Variants in LRFN5 observed in about 807,000 individuals in gnomAD.
The protein encoded by LRFN5 is leucine rich repeat and fibronectin type III domain containing 5, also known as leucine-rich repeat and fibronectin type-III domain-containing protein 5.
LRFN5 carries 24 observed loss-of-function variants against 45.6 expected under a neutral mutation model. The ratio of observed to expected loss-of-function variants is 0.53; its 90% CI spans 0.38 to 0.74. The LOEUF (loss-of-function observed/expected upper bound fraction) is 0.74, where lower values mean the gene tolerates loss of function less well. Among genes scored for constraint, LRFN5 ranks in the 30% least tolerant of loss-of-function variants. The pLI, the probability that LRFN5 is intolerant of heterozygous loss-of-function variation, is 0.00. For synonymous variants in LRFN5, 340 were observed against 313.8 expected (o/e 1.08, Z -0.88); for missense variants, 776 against 861.5 (o/e 0.90, Z 1.24).
At chr14:41,719,180 A>G (rs1256308279) in intron 1 of LRFN5, among the ~76,000 whole-genome samples, 1 of 152,150 alleles carries the variant, frequency 6.6e-6, no homozygotes, top group Non-Finnish European at 1.5e-5. Flanking sequence ...GAATGTGTTC[A>G]TTATTTTACT....
intron 1 of LRFN5, among the ~76,000 whole-genome samples, chr14:41,744,092 G>T (rs1385479363): frequency 6.6e-6 from 1 of 152,136 alleles, no homozygotes; most frequent in Admixed American, 6.5e-5. Flanking sequence ...AGTACCTCAT[G>T]CCTATAATCC....
chr14:41,677,143 G>GA (rs34515859), intron 1 of LRFN5, among the ~76,000 whole-genome samples: 2 of 151,730 alleles, frequency 1.3e-5, no homozygotes, highest in East Asian at 1.9e-4. Context: ...AAAACAAGGG[G>GA]AAAAAAAATC....
intron 1 of LRFN5, among the ~76,000 whole-genome samples, chr14:41,615,980 T>C (rs901522017): frequency 6.6e-6 from 1 of 152,104 alleles, no homozygotes; most frequent in African/African-American, 2.4e-5. Context: ...CTCTTCAAGA[T>C]GCAACAACTG....
intron 1 of LRFN5, among the ~76,000 whole-genome samples, chr14:41,664,702 CA>C (rs1427243045): frequency 6.6e-6 from 1 of 151,752 alleles, no homozygotes; most frequent in African/African-American, 2.4e-5. Flanking sequence ...CTCTCTAATC[CA>C]ATGACATAAA....
intron 5 of LRFN5, 106 bp downstream of exon 5, chr14:41,899,066 A>G: frequency 1.1e-6 from 1 of 892,994 alleles, no homozygotes; most frequent in East Asian, 2.9e-5. Context: ...GCTTGTTGAA[A>G]TTTTCTTTTA....
chr14:41,787,787 G>A (rs537798617), intron 2 of LRFN5, among the ~76,000 whole-genome samples: 16 of 150,732 alleles, frequency 1.1e-4, no homozygotes, highest in Non-Finnish European at 2.4e-4. Flanking sequence ...TTATTTTTAT[G>A]ATGCCGCAGT....
chr14:41,716,143 C>G (rs1227779426), intron 1 of LRFN5, among the ~76,000 whole-genome samples: 1 of 152,140 alleles, frequency 6.6e-6, no homozygotes, highest in East Asian at 1.9e-4. Flanking sequence ...AGCACGGGGA[C>G]CCTGGGACTG....
intron 2 of LRFN5, among the ~76,000 whole-genome samples, chr14:41,789,522 C>G (rs1200375854): frequency 1.3e-5 from 2 of 151,800 alleles, no homozygotes; most frequent in Admixed American, 6.6e-5. Context: ...GCACACATGC[C>G]CTTTGGAGTA....
Position 41,887,568 on chromosome 14 carries a change from G to A in LRFN5, c.943G>A (p.Glu315Lys), listed in dbSNP as rs1405006301. ...GAGGTGCAAAGCCAGGGGAGACCCT[G>A]AGCCTGCAATTCACTGGATTTCTCC... ...TLRCKARGDP[E>K]PAIHWISPEG... is the part of the protein sequence containing the mutation. The change falls in exon 3 of 6, where the codon GAG (glutamate) becomes AAG (lysine). Residue 315 changes from glutamate to lysine, a missense_variant. By Grantham distance (56) the Glu-to-Lys change is moderately conservative (BLOSUM62 1). Around this residue, in one of 2 missense-constraint regions of LRFN5, gnomAD observed 311 missense variants for 405.1 expected, o/e 0.77. Transcript: ENST00000298119. This position sits in a 1 kb window ranked among gnomAD's most constrained non-coding sequence, Gnocchi z 4.8. 5 of 1,614,088 alleles carry A rather than the reference G, an allele frequency of 3.1e-6. No homozygotes were observed. Among genetic ancestry groups the A allele is most frequent in the South Asian group, 1.1e-5 (1 of 91,090 alleles).
chr14:41,817,338 C>T (rs1887956494), intron 2 of LRFN5, among the ~76,000 whole-genome samples: 1 of 151,706 alleles, frequency 6.6e-6, no homozygotes, highest in Non-Finnish European at 1.5e-5. Context: ...TAGCTTTGTA[C>T]TTTGTACTTG....
intron 2 of LRFN5, among the ~76,000 whole-genome samples, chr14:41,792,712 T>C (rs1886970950): frequency 6.6e-6 from 1 of 152,020 alleles, no homozygotes; most frequent in African/African-American, 2.4e-5. Context: ...TAAAAATCAC[T>C]ATTATTCTGT....
At chr14:41,736,597 A>T (rs1411891650) in intron 1 of LRFN5, among the ~76,000 whole-genome samples, 1 of 152,068 alleles carries the variant, frequency 6.6e-6, no homozygotes, top group Middle Eastern at 3.2e-3. Context: ...CTCTTTATAG[A>T]CCGCTAGCCA....
At chr14:41,836,231 T>A (rs1169532857) in intron 2 of LRFN5, among the ~76,000 whole-genome samples, 1 of 152,196 alleles carries the variant, frequency 6.6e-6, no homozygotes, top group African/African-American at 2.4e-5. Context: ...TCTGAGAACA[T>A]GAATATCTCT....
rs138890062 is a variant in LRFN5 at position 41,774,236 on chromosome 14, G to T, written c.-21+7207G>T. Among the ~76,000 whole-genome samples the T allele has an allele frequency of 8.1e-4, 124 of 152,292 alleles. No homozygotes were observed. In the East Asian group the frequency reaches 0.016, roughly 19 times the overall value. On this transcript the variant is annotated intron_variant, in intron 2 of 5. Coordinates refer to ENST00000298119, the MANE Select transcript of LRFN5 (RefSeq NM_152447.5). The stretch of plus-strand genomic sequence containing the variant: ...CCAATTTGTACTGACTCAATGTAAG[G>T]TTATTAACTCAGTTATTGTAATGAG...
intron 2 of LRFN5, among the ~76,000 whole-genome samples, chr14:41,786,166 A>C (rs1486401369): frequency 6.6e-6 from 1 of 152,116 alleles, no homozygotes; most frequent in Non-Finnish European, 1.5e-5. Context: ...TTTTTATTTT[A>C]AACAGGCAAT....
At chr14:41,893,329 A>G (rs1890843565) in intron 4 of LRFN5, 7 of 959,416 alleles carry the variant, frequency 7.3e-6, no homozygotes, top group Non-Finnish European at 8.7e-6. Context: ...AAACTTAATT[A>G]TATAATAATT....
intron 1 of LRFN5, among the ~76,000 whole-genome samples, chr14:41,694,483 C>G (rs971072385): frequency 1.3e-5 from 2 of 151,890 alleles, no homozygotes; most frequent in African/African-American, 4.8e-5. Context: ...GCATAGTGTT[C>G]TCTAGATTCA....
At chr14:41,849,084 T>C (rs1184546474) in intron 2 of LRFN5, among the ~76,000 whole-genome samples, 1 of 152,096 alleles carries the variant, frequency 6.6e-6, no homozygotes, top group Non-Finnish European at 1.5e-5. Flanking sequence ...TCTCCATTTA[T>C]GCCCCTAAAG....
intron 1 of LRFN5, among the ~76,000 whole-genome samples, chr14:41,696,544 A>G (rs201892544): frequency 4.2e-5 from 2 of 47,414 alleles, no homozygotes; most frequent in Non-Finnish European, 6.8e-5. Context: ...CATTCTGCAG[A>G]CATCACAATC....
Sources: gnomAD v4.1 joint callset for allele counts (sites outside exome capture counted in the v4.1 genomes callset) on GRCh38, gnomAD v4.1.1 for gene constraint, gnomAD v4.1.1 regional missense constraint, Gnocchi (gnomAD v3.1) non-coding constraint, MANE v1.5 for transcripts, NCBI Gene and HGNC (gene_info 2026-07-23, HGNC 2026-07-21) for gene names.